AFG1L: variants seen among roughly 807,000 people sequenced by gnomAD.
AFG1L encodes the protein AFG1 like ATPase.
In AFG1L, 53 loss-of-function variants were observed where a neutral mutation model predicts 62.2. That is an observed-to-expected ratio of 0.85 (90% CI 0.68 to 1.07). AFG1L has a LOEUF of 1.07. AFG1L is among the 50% of genes least tolerant of loss of function. The pLI, the probability that AFG1L is intolerant of heterozygous loss-of-function variation, is 0.00. For missense variants in AFG1L, 555 were observed against 590.5 expected, an observed-to-expected ratio of 0.94 and a Z score of 0.62; for synonymous variants, 228 against 210.3, an observed-to-expected ratio of 1.08 and a Z score of -0.73.
chr6:108,366,569 T>G (rs912765217), intron 6 of AFG1L, among the ~76,000 whole-genome samples: 1 of 19,278 alleles, frequency 5.2e-5, no homozygotes, highest in African/African-American at 6.3e-5. Context: ...TGTTTTTTTG[T>G]TTTTTTTTTT....
chr6:108,344,696 G>A, intron 2 of AFG1L: 1 of 470,548 alleles, frequency 2.1e-6, no homozygotes, highest in Non-Finnish European at 4.4e-6. Flanking sequence ...GATGCTAAGT[G>A]GCATAATCTT....
intron 2 of AFG1L, among the ~76,000 whole-genome samples, chr6:108,337,368 TTG>T (rs147485815): frequency 0.025 from 3,798 of 152,338 alleles, 70 homozygotes; most frequent in Non-Finnish European, 0.04. Flanking sequence ...CATGTGAGCA[TTG>T]TGTGTTCACT....
At chr6:108,514,927 C>T (rs1582691180) in intron 11 of AFG1L, among the ~76,000 whole-genome samples, 2 of 152,186 alleles carry the variant, frequency 1.3e-5, no homozygotes, top group Non-Finnish European at 2.9e-5. Context: ...GTAAAGGGAT[C>T]AATTCAACAA....
At position 108,309,732 on chromosome 6, in the gene AFG1L, C is replaced by T. The variant is rs1456788627; in HGVS notation, c.140-14093C>T. Among the ~76,000 whole-genome samples the T allele has an allele frequency of 3.3e-5, 5 of 151,836 alleles. No homozygotes were observed. The East Asian group carries it at 9.7e-4, about 29-fold the overall frequency. ...ATATTTCCAATGAAAATTTAGCTTC[C>T]AAATTGAGATGTGTTGCAGGTGTCA... On this transcript the variant is annotated intron_variant, in intron 1 of 12. Coordinates refer to ENST00000368977, the MANE Select transcript of AFG1L (RefSeq NM_145315.5).
At chr6:108,316,009 T>A (rs1277193702) in intron 1 of AFG1L, among the ~76,000 whole-genome samples, 1 of 152,044 alleles carries the variant, frequency 6.6e-6, no homozygotes, top group African/African-American at 2.4e-5. Flanking sequence ...ATCATGCCAC[T>A]GCACTCCAGC....
chr6:108,327,943 C>A (rs1778118914), intron 2 of AFG1L, among the ~76,000 whole-genome samples: 2 of 152,208 alleles, frequency 1.3e-5, no homozygotes, highest in African/African-American at 4.8e-5. Flanking sequence ...CAGGGCTGCT[C>A]CTGTGAGCAT....
At chr6:108,369,489 C>T (rs936149482) in intron 6 of AFG1L, among the ~76,000 whole-genome samples, 5 of 151,988 alleles carry the variant, frequency 3.3e-5, no homozygotes, top group South Asian at 2.1e-4. Context: ...AGAGAAAGAA[C>T]GTCCTTTTCT....
In AFG1L at chr6:108,477,403, C is replaced by T. The variant is rs556017538; in HGVS notation, c.1062+111C>T. The T allele has an allele frequency of 3.4e-4, 196 of 570,426 alleles. No homozygotes were observed. In the South Asian group the frequency reaches 7.1e-3, roughly 21 times the overall value. The allele number at this position is 570,426 out of a possible 1,614,324, so 35.3% of individuals were successfully genotyped here. A position where few individuals can be genotyped will look rare whatever the true frequency, so the allele number is the denominator to read the frequency against. On this transcript the variant is annotated intron_variant, in intron 10 of 12. Transcript: ENST00000368977. ...AAAATACCATTCACAGAGTCAGAAT[C>T]GATTTAAAAGTCTCATTAAGGGAAA... is the stretch of plus-strand genomic sequence containing the variant.
intron 11 of AFG1L, among the ~76,000 whole-genome samples, chr6:108,517,256 T>C (rs1774935590): frequency 6.6e-6 from 1 of 152,132 alleles, no homozygotes. Flanking sequence ...CAAACTATAC[T>C]ACAAGGCTGC....
At chr6:108,332,799 G>A (rs1778325476) in intron 2 of AFG1L, among the ~76,000 whole-genome samples, 1 of 151,920 alleles carries the variant, frequency 6.6e-6, no homozygotes. Context: ...TAGAGATGTG[G>A]TCTCACCATG....
intron 5 of AFG1L, among the ~76,000 whole-genome samples, chr6:108,361,147 A>G (rs1779510636): frequency 6.6e-6 from 1 of 152,204 alleles, no homozygotes; most frequent in Non-Finnish European, 1.5e-5. Flanking sequence ...TCACACAGGA[A>G]ACTTGTTTAT....
Position 108,447,297 on chromosome 6 carries a change from G to GT in AFG1L, c.890+2dup. ...CTGCTGCAGGAAAACTCTACTACCTGTAAGTGTTTCTAATTTTTAAAGTTT... is the reference window on the plus strand; with the variant it reads ...CTGCTGCAGGAAAACTCTACTACCTGTTAAGTGTTTCTAATTTTTAAAGTTT... On this transcript the variant is annotated splice_donor_variant, in intron 8 of 12. Transcript: ENST00000368977. LOFTEE classifies it high-confidence loss of function. 1 of 1,563,336 alleles carries GT rather than the reference G, an allele frequency of 6.4e-7. No individual in the cohort carries two copies. The highest frequency in any genetic ancestry group is 8.8e-7 in the Non-Finnish European group (1 of 1,137,308).
Position 108,514,564 on chromosome 6 carries a change from C to T in AFG1L, c.1203+4212C>T, listed in dbSNP as rs867772681. On this transcript the variant is annotated intron_variant, in intron 11 of 12. Coordinates refer to ENST00000368977, the MANE Select transcript of AFG1L (RefSeq NM_145315.5). ...AAACATGTCAAATTGTAAAGACCAT[C>T]GAGCCTAGGAAGAAACTGCATCCAC... 2.0e-4 allele frequency among the ~76,000 whole-genome samples: 30 copies of T among 152,174 alleles called. 1 individual carries two copies. Among genetic ancestry groups the T allele is most frequent in the Middle Eastern group, 3.4e-3 (1 of 294 alleles).
intron 6 of AFG1L, among the ~76,000 whole-genome samples, chr6:108,392,877 T>C (rs1359494712): frequency 6.6e-6 from 1 of 152,136 alleles, no homozygotes; most frequent in African/African-American, 2.4e-5. Flanking sequence ...AAATAAGCAT[T>C]ATTCAGCTTC....
At chr6:108,468,653 C>A (rs1772764511) in intron 8 of AFG1L, among the ~76,000 whole-genome samples, 1 of 151,930 alleles carries the variant, frequency 6.6e-6, no homozygotes, top group Non-Finnish European at 1.5e-5. Flanking sequence ...TCTCCCCACC[C>A]CTCCACCCCA....
chr6:108,309,772 T>A (rs1185862350), intron 1 of AFG1L, among the ~76,000 whole-genome samples: 1 of 151,974 alleles, frequency 6.6e-6, no homozygotes, highest in Non-Finnish European at 1.5e-5. Context: ...CTTTAAGACC[T>A]AATAGAAAAA....
At chr6:108,463,990 GT>G (rs1772569652) in intron 8 of AFG1L, among the ~76,000 whole-genome samples, 1 of 152,190 alleles carries the variant, frequency 6.6e-6, no homozygotes, top group African/African-American at 2.4e-5. Flanking sequence ...TGCCAGGGAA[GT>G]TTGGCAAAGA....
chr6:108,415,214 G>A (rs1404080675), intron 7 of AFG1L, among the ~76,000 whole-genome samples: 1 of 152,124 alleles, frequency 6.6e-6, no homozygotes, highest in East Asian at 1.9e-4. Context: ...CAACTGACAA[G>A]GGATGTGAAG....
At chr6:108,472,559 A>G (rs1005673106) in intron 8 of AFG1L, among the ~76,000 whole-genome samples, 1 of 152,118 alleles carries the variant, frequency 6.6e-6, no homozygotes, top group African/African-American at 2.4e-5. Context: ...AGGATAGTTT[A>G]TCTTTTTCCT....
Sources: allele counts gnomAD v4.1 joint callset (sites outside exome capture counted in the v4.1 genomes callset), GRCh38; gene constraint gnomAD v4.1.1; transcripts MANE v1.5; gene names NCBI Gene and HGNC (gene_info 2026-07-23, HGNC 2026-07-21).